The following DAB1 variants were observed in gnomAD, a reference collection of about 807,000 sequenced individuals.
The protein encoded by DAB1 is disabled homolog 1.
Under a neutral mutation model 64.6 loss-of-function variants are expected in DAB1, and 15 were observed. That is an observed-to-expected ratio of 0.23 (90% CI 0.16 to 0.36). DAB1 has a LOEUF of 0.36. DAB1 is among the 10% of genes least tolerant of loss of function. The pLI is 1.00. For missense variants in DAB1, 596 were observed against 706.7 expected (o/e 0.84, Z 1.78); for synonymous variants, 235 against 251.9 (o/e 0.93, Z 0.64).
At chr1:57,674,156 G>T (rs1258269905) in intron 6 of DAB1, among the ~76,000 whole-genome samples, 1 of 152,098 alleles carries the variant, frequency 6.6e-6, no homozygotes, top group African/African-American at 2.4e-5. Context: ...ACACCATCTG[G>T]TCTCTATAAA....
At chr1:57,846,275 T>C (rs1490040448) in intron 1 of DAB1, among the ~76,000 whole-genome samples, 1 of 151,972 alleles carries the variant, frequency 6.6e-6, no homozygotes, top group South Asian at 2.1e-4. Flanking sequence ...CTGGCTAACA[T>C]GGTGAAACCC....
intron 4 of DAB1, among the ~76,000 whole-genome samples, chr1:58,190,890 G>A (rs1296700820): frequency 2.0e-5 from 3 of 152,212 alleles, no homozygotes; most frequent in Non-Finnish European, 4.4e-5. Flanking sequence ...GAGACTGTGG[G>A]ACTGGGGAGG....
At chr1:57,400,986 T>A (rs574644082) in intron 1 of DAB1, among the ~76,000 whole-genome samples, 1 of 127,870 alleles carries the variant, frequency 7.8e-6, no homozygotes, top group African/African-American at 2.9e-5. Flanking sequence ...GGGTGAAAGC[T>A]CTCTCTTAAA....
chr1:57,589,223 A>G (rs548039181), intron 7 of DAB1, among the ~76,000 whole-genome samples: 1 of 152,322 alleles, frequency 6.6e-6, no homozygotes, highest in South Asian at 2.1e-4. Flanking sequence ...TCCATCTCAA[A>G]AAACAAAAAA....
chr1:58,059,308 C>T (rs1382391424), intron 5 of DAB1, among the ~76,000 whole-genome samples: 1 of 152,188 alleles, frequency 6.6e-6, no homozygotes, highest in Non-Finnish European at 1.5e-5. Context: ...GAAGTCACTG[C>T]AACCCATGTA....
intron 1 of DAB1, among the ~76,000 whole-genome samples, chr1:57,324,221 C>A (rs1287107730): frequency 6.6e-6 from 1 of 152,156 alleles, no homozygotes; most frequent in African/African-American, 2.4e-5. Flanking sequence ...TTAAGTGAAC[C>A]AATCTAAACT....
intron 5 of DAB1, among the ~76,000 whole-genome samples, chr1:58,042,819 G>A (rs969877141): frequency 1.3e-5 from 2 of 152,160 alleles, no homozygotes; most frequent in African/African-American, 4.8e-5. Flanking sequence ...TTGAAGGCAA[G>A]GGGCACCACA....
At chr1:58,285,124 T>C (rs1390656608) in intron 4 of DAB1, among the ~76,000 whole-genome samples, 3 of 152,158 alleles carry the variant, frequency 2.0e-5, no homozygotes, top group Admixed American at 1.3e-4. Flanking sequence ...TTAAAAAATC[T>C]CAATAAGCTA....
At chr1:58,380,855 A>G (rs1478414401) in intron 3 of DAB1, among the ~76,000 whole-genome samples, 1 of 152,252 alleles carries the variant, frequency 6.6e-6, no homozygotes, top group African/African-American at 2.4e-5. Context: ...TATTCATTGC[A>G]GTACTAGTCA....
At chr1:57,375,856 G>A (rs1229929030) in intron 1 of DAB1, among the ~76,000 whole-genome samples, 2 of 152,196 alleles carry the variant, frequency 1.3e-5, no homozygotes, top group Non-Finnish European at 2.9e-5. Context: ...CTGTTTGACT[G>A]TTTATGCATT....
intron 7 of DAB1, among the ~76,000 whole-genome samples, chr1:57,439,418 G>GTTTTTTGTTT: frequency 2.6e-5 from 3 of 116,138 alleles, no homozygotes; most frequent in Admixed American, 8.7e-5. Context: ...TGGTGATGAG[G>GTTTTTTGTTT]TTTTTTCTTT....
chr1:58,480,507 G>C (rs1645462950), intron 3 of DAB1, among the ~76,000 whole-genome samples: 1 of 151,954 alleles, frequency 6.6e-6, no homozygotes, highest in African/African-American at 2.4e-5. Context: ...TCTATCCTGA[G>C]GCCCCCTTTT....
intron 5 of DAB1, among the ~76,000 whole-genome samples, chr1:57,966,268 C>G (rs1335008769): frequency 2.0e-5 from 3 of 152,064 alleles, no homozygotes; most frequent in Admixed American, 6.6e-5. Context: ...AGAGCTGACC[C>G]CTGGAATCTG....
intron 5 of DAB1, among the ~76,000 whole-genome samples, chr1:57,992,500 T>C (rs1646359828): frequency 6.6e-6 from 1 of 152,194 alleles, no homozygotes; most frequent in African/African-American, 2.4e-5. Flanking sequence ...AGGGAAATTT[T>C]GCTCCCTGCA....
intron 4 of DAB1, among the ~76,000 whole-genome samples, chr1:58,253,902 A>G (rs886185675): frequency 2.6e-5 from 4 of 152,242 alleles, no homozygotes; most frequent in African/African-American, 9.6e-5. Context: ...ACAGGCAGGA[A>G]TAGTCATCCC....
At chr1:57,373,756 C>T (rs1271395331) in intron 1 of DAB1, among the ~76,000 whole-genome samples, 2 of 152,192 alleles carry the variant, frequency 1.3e-5, no homozygotes, top group Non-Finnish European at 2.9e-5. Context: ...GGGTGGCTCT[C>T]GCGCCACGGG....
At chr1:57,984,256 GAAAGAAA>G (rs1646154879) in intron 5 of DAB1, among the ~76,000 whole-genome samples, 1 of 128,908 alleles carries the variant, frequency 7.8e-6, no homozygotes, top group Non-Finnish European at 1.7e-5. Flanking sequence ...AAGAAAGAAA[GAAAGAAA>G]AAAAATTAAA....
chr1:58,074,549 C>CAT (rs1257532700), intron 5 of DAB1: 2 of 66,414 alleles, frequency 3.0e-5, no homozygotes, highest in African/African-American at 1.3e-4. Flanking sequence ...TATATACACA[C>CAT]ATATATATAT....
At chr1:57,533,541 A>G (rs1434777907) in intron 7 of DAB1, among the ~76,000 whole-genome samples, 1 of 7,324 alleles carries the variant, frequency 1.4e-4, no homozygotes, top group African/African-American at 8.9e-4. Context: ...CATAACAGGT[A>G]TATATATATA....
Sources: gnomAD v4.1 joint callset for allele counts (sites outside exome capture counted in the v4.1 genomes callset) on GRCh38, gnomAD v4.1.1 for gene constraint, MANE v1.5 for transcripts, NCBI Gene and HGNC (gene_info 2026-07-23, HGNC 2026-07-21) for gene names.